The following EML6 variants were observed in gnomAD, a reference collection of about 807,000 sequenced individuals.
EML6 encodes EMAP like 6.
In EML6, 154 loss-of-function variants were observed where a neutral mutation model predicts 240.1. The observed-to-expected ratio is 0.64, with a 90% CI of 0.56 to 0.73. The LOEUF (loss-of-function observed/expected upper bound fraction) is 0.73, where lower values mean the gene tolerates loss of function less well. Ranked by LOEUF, EML6 falls within the 30% of genes least tolerant of loss-of-function variation. The probability of loss-of-function intolerance (pLI) is 0.00; values close to 1 mark genes in which losing one functional copy is unlikely to be tolerated. For missense variants in EML6, 2,964 were observed against 2,474.6 expected, an observed-to-expected ratio of 1.20 and a Z score of -4.20; for synonymous variants, 1,148 against 899.0, an observed-to-expected ratio of 1.28 and a Z score of -4.95.
chr2:54,891,224 A>C, intron 18 of EML6, 70 bp downstream of exon 18: 1 of 750,782 alleles, frequency 1.3e-6, no homozygotes. Flanking sequence ...AAACAAAACA[A>C]ACTGTTGCTA....
Position 54,928,420 on chromosome 2 carries a change from A to G in EML6, c.3783A>G (p.Thr1261=). Residue 1261 remains threonine, a synonymous_variant, in exon 27 of 42, where the codon ACA becomes ACG. Coordinates refer to ENST00000356458, the MANE Select transcript of EML6 (RefSeq NM_001039753.4). ...TGCTCACGGTGGGCGGCGCCGACAC[A>G]GCCCTGATGATCTGGACCAGGGAGT... is the stretch of plus-strand genomic sequence containing the variant. ...SVLLTVGGAD[T]ALMIWTREFV... 1.3e-6 allele frequency: 2 copies of G among 1,550,970 alleles called. No individual in the cohort carries two copies. The highest frequency in any genetic ancestry group is 2.7e-5 in the African/African-American group (2 of 73,012).
At position 54,850,058 on chromosome 2, in the gene EML6, T is replaced by A; in HGVS notation, c.1284T>A (p.Asn428Lys). Residue 428 changes from asparagine (N) to lysine (K), a missense_variant, in exon 10 of 42, where the codon AAT becomes AAA. Asn to Lys is a moderately conservative substitution (Grantham distance 94). Transcript: ENST00000356458. ...PDGSYLAVGS[N>K]DGPVDVYAVA... ...GTTCTTACCTTGCAGTGGGATCCAA[T>A]GATGGCCCAGTAGATGTCTATGCTG... 6 of 1,552,096 alleles carry A rather than the reference T, an allele frequency of 3.9e-6. No homozygotes were observed. The highest frequency in any genetic ancestry group is 5.2e-6 in the Non-Finnish European group (6 of 1,147,068).
At chr2:54,860,416 A>C (rs2103833583) in intron 12 of EML6, among the ~76,000 whole-genome samples, 1 of 152,276 alleles carries the variant, frequency 6.6e-6, no homozygotes, top group East Asian at 1.9e-4. Context: ...TTCTACCTAG[A>C]AGGGGTTTAT....
At chr2:54,787,604 T>A (rs145722457) in intron 2 of EML6, among the ~76,000 whole-genome samples, 1 of 152,336 alleles carries the variant, frequency 6.6e-6, no homozygotes, top group African/African-American at 2.4e-5. Context: ...AAATAGTAGC[T>A]AATGTCACTG....
chr2:54,883,723 T>A (rs1019812270), intron 17 of EML6, among the ~76,000 whole-genome samples: 111 of 152,326 alleles, frequency 7.3e-4, no homozygotes, highest in African/African-American at 2.6e-3. Flanking sequence ...CATACACACA[T>A]GCACATGTGT....
intron 8 of EML6, among the ~76,000 whole-genome samples, chr2:54,845,912 T>A (rs1033564786): frequency 7.2e-5 from 11 of 152,232 alleles, no homozygotes; most frequent in Admixed American, 4.6e-4. Flanking sequence ...TAGTTTGTGT[T>A]ATCAGAAGAC....
chr2:54,907,001 A>G (rs1193904754), intron 24 of EML6, among the ~76,000 whole-genome samples: 1 of 152,208 alleles, frequency 6.6e-6, no homozygotes, highest in Non-Finnish European at 1.5e-5. Flanking sequence ...CGCCAGCCTC[A>G]GCAGCCTCTT....
At chr2:54,773,575 T>C (rs1339675920) in intron 2 of EML6, among the ~76,000 whole-genome samples, 1 of 152,228 alleles carries the variant, frequency 6.6e-6, no homozygotes, top group Non-Finnish European at 1.5e-5. Context: ...GTATGAAGTA[T>C]TGGTTTCTGA....
intron 30 of EML6, 47 bp downstream of exon 30, chr2:54,950,826 A>G (rs1675937961): frequency 9.8e-6 from 15 of 1,532,044 alleles, no homozygotes; most frequent in Non-Finnish European, 1.3e-5. Flanking sequence ...GCTGTTTTTT[A>G]CATGCTTTCC....
chr2:54,840,133 A>G (rs1233079472), intron 7 of EML6, among the ~76,000 whole-genome samples: 24 of 152,212 alleles, frequency 1.6e-4, no homozygotes, highest in Admixed American at 1.6e-3. Flanking sequence ...AAGCATAAAT[A>G]GATACTTGAC....
intron 38 of EML6, 175 bp from the exon 39 acceptor site, chr2:54,966,825 C>A: frequency 2.2e-6 from 1 of 452,562 alleles, no homozygotes; most frequent in East Asian, 3.6e-5. Flanking sequence ...GGGAAAATGG[C>A]CTGCTGTTGT....
At chr2:54,883,116 T>C (rs1232832058) in intron 17 of EML6, among the ~76,000 whole-genome samples, 1 of 151,992 alleles carries the variant, frequency 6.6e-6, no homozygotes, top group African/African-American at 2.4e-5. Context: ...ATAGAAAAAT[T>C]AGCAGGGAAA....
At chr2:54,886,157 C>CTTTT (rs1558650389) in intron 17 of EML6, among the ~76,000 whole-genome samples, 1 of 115,236 alleles carries the variant, frequency 8.7e-6, no homozygotes, top group Non-Finnish European at 1.8e-5. Context: ...TTTTTTTAAC[C>CTTTT]TTCTTTTTTT....
intron 25 of EML6, among the ~76,000 whole-genome samples, chr2:54,911,766 C>A (rs1446143543): frequency 6.6e-6 from 1 of 152,186 alleles, no homozygotes; most frequent in Non-Finnish European, 1.5e-5. Context: ...CAAAAACAAT[C>A]TGCAATCTGA....
chr2:54,850,016 GA>G lies in EML6; in HGVS notation c.1245del (p.Lys415AsnfsTer18). On this transcript the variant is annotated frameshift_variant, in exon 10 of 42. Coordinates refer to ENST00000356458, the MANE Select transcript of EML6 (RefSeq NM_001039753.4). LOFTEE classifies it high-confidence loss of function. ...ATCGAAAAGAAGTCATTCATGAAAT[GA>G]AATTTTCTCCAGATGGTTCTTACCT... ...KDRKEVIHEM[K>X]FSPDGSYLAV... 2 of 1,551,688 alleles carry G rather than the reference GA, an allele frequency of 1.3e-6. No individual in the cohort carries two copies. The highest frequency in any genetic ancestry group is 1.7e-6 in the Non-Finnish European group (2 of 1,146,886).
chr2:54,923,430 C>T (rs527584250), intron 26 of EML6, among the ~76,000 whole-genome samples: 3 of 147,052 alleles, frequency 2.0e-5, no homozygotes, highest in East Asian at 4.0e-4. Flanking sequence ...ATGATTAATG[C>T]ATTAATTACC....
intron 2 of EML6, among the ~76,000 whole-genome samples, chr2:54,793,192 A>G (rs1027602928): frequency 2.0e-5 from 3 of 152,104 alleles, no homozygotes; most frequent in African/African-American, 7.2e-5. Flanking sequence ...GCTTGAACTC[A>G]GTAGGTAGAG....
At chr2:54,784,632 C>T (rs1314989210) in intron 2 of EML6, among the ~76,000 whole-genome samples, 1 of 152,250 alleles carries the variant, frequency 6.6e-6, no homozygotes, top group Non-Finnish European at 1.5e-5. Flanking sequence ...AGAAGCCTTA[C>T]CAATAACAGA....
At position 54,950,642 on chromosome 2, in the gene EML6, G is replaced by C. The variant is rs748176194; in HGVS notation, c.4084-8G>C. On this transcript the variant is annotated splice_polypyrimidine_tract_variant and splice_region_variant and intron_variant, in intron 29 of 41. Transcript: ENST00000356458. ...GAGGGTCACATTGATCTGTGTGTGT[G>C]AATGCAGGAGCTGGCTCTAGACCAC... 46 of 1,551,442 alleles carry C rather than the reference G, an allele frequency of 3.0e-5. No individual in the cohort carries two copies. The highest frequency in any genetic ancestry group is 3.7e-5 in the Non-Finnish European group (43 of 1,146,932).
Sources: gnomAD v4.1 joint callset for allele counts (sites outside exome capture counted in the v4.1 genomes callset) on GRCh38, gnomAD v4.1.1 for gene constraint, MANE v1.5 for transcripts, NCBI Gene and HGNC (gene_info 2026-07-23, HGNC 2026-07-21) for gene names.